The following ZNF337 variants were observed in gnomAD, a reference collection of about 807,000 sequenced individuals.
ZNF337 encodes zinc finger protein 337.
Under a neutral mutation model 12.1 loss-of-function variants are expected in ZNF337, and 8 were observed. That is an observed-to-expected ratio of 0.66 (90% confidence interval 0.39 to 1.19). ZNF337 has a LOEUF of 1.19. ZNF337 is among the 50% of genes most tolerant of loss of function. The pLI, the probability that ZNF337 is intolerant of heterozygous loss-of-function variation, is 0.01. For synonymous variants in ZNF337, 336 were observed against 320.0 expected (o/e 1.05, Z -0.53); for missense variants, 882 against 896.6 (o/e 0.98, Z 0.21).
At chr20:25,687,362 C>T (rs1446181290) in intron 1 of ZNF337, among the ~76,000 whole-genome samples, 6 of 151,980 alleles carry the variant, frequency 3.9e-5, no homozygotes, top group Admixed American at 2.6e-4. Flanking sequence ...AGGAAAAGAA[C>T]TGTAAATTAA....
chr20:25,676,175 TGA>T lies in ZNF337; in HGVS notation c.1111_1112del (p.Ser371ArgfsTer11), dbSNP rs772390758. 1 of 1,613,996 alleles carries T rather than the reference TGA, an allele frequency of 6.2e-7. No homozygotes were observed. The highest frequency in any genetic ancestry group is 1.1e-5 in the South Asian group (1 of 91,066). On this transcript the variant is annotated frameshift_variant, in exon 5 of 5. Coordinates refer to ENST00000252979, the MANE Select transcript of ZNF337 (RefSeq NM_015655.4). LOFTEE classifies it low-confidence loss of function (END_TRUNC). ...SHLITHQRTH[S>X]GEKPFACRQC... is the part of the protein sequence containing the mutation. ...GCCTGCACGCAAAGGGCTTCTCCCCTGAGTGTGTCCTCTGGTGTGTGATAAGG... is the reference window on the plus strand; with the variant it reads ...GCCTGCACGCAAAGGGCTTCTCCCCTGTGTGTCCTCTGGTGTGTGATAAGG...
intron 1 of ZNF337, among the ~76,000 whole-genome samples, chr20:25,696,118 A>T (rs572830359): frequency 9.9e-4 from 105 of 105,788 alleles, no homozygotes; most frequent in Non-Finnish European, 1.5e-3. Flanking sequence ...ACACGTCTAG[A>T]CGTGCCCGTG....
Position 25,676,429 on chromosome 20 carries a change from T to G in ZNF337, c.859A>C (p.Thr287Pro). The change falls in exon 5 of 5, where the codon ACA becomes CCA. Residue 287 changes from threonine (T) to proline (P), a missense_variant. Transcript: ENST00000252979. ...TGGCATTCATAAGGCTTCTCTCCTGTGTGTGTTCTCTCATGCACAGTGAGG... is the reference window on the plus strand; with the variant it reads ...TGGCATTCATAAGGCTTCTCTCCTGGGTGTGTTCTCTCATGCACAGTGAGG... The part of the protein sequence containing the change: ...SYLTVHERTH[T>P]GEKPYECQEC... The G allele has an allele frequency of 1.2e-6, 2 of 1,613,826 alleles. No homozygotes were observed. Among genetic ancestry groups the G allele is most frequent in the Non-Finnish European group, 1.7e-6 (2 of 1,179,956 alleles).
intron 1 of ZNF337, among the ~76,000 whole-genome samples, chr20:25,689,140 A>G (rs1160695154): frequency 1.3e-5 from 2 of 150,260 alleles, no homozygotes; most frequent in African/African-American, 4.9e-5. Flanking sequence ...GTCACAAAAA[A>G]AAAAAAAAAA....
At chr20:25,677,727 T>A (rs2065720852) in intron 4 of ZNF337, 1 of 152,098 alleles carries the variant, frequency 6.6e-6, no homozygotes, top group Non-Finnish European at 1.5e-5. Context: ...AATTTTTATA[T>A]TTTTTGTAGA....
Position 25,696,597 on chromosome 20 carries a change from C to T in ZNF337, c.-50+162G>A, listed in dbSNP as rs567281058. Among the ~76,000 whole-genome samples the T allele has an allele frequency of 8.4e-4, 128 of 152,348 alleles. No homozygotes were observed. In the Middle Eastern group the frequency reaches 0.01, roughly 12 times the overall value. On this transcript the variant is annotated intron_variant, in intron 1 of 4. Coordinates refer to ENST00000252979, the MANE Select transcript of ZNF337 (RefSeq NM_015655.4). ...CGCAGCCCCACCGCCCACTTCAAGG[C>T]GCGGCCTGGGTCTCCGCCCCTCCCC...
chr20:25,676,371 G>A lies in ZNF337; in HGVS notation c.917C>T (p.Ser306Leu), dbSNP rs1200736297. ...ATGCGCCTTCAAGTGCTTGTTGTAT[G>A]AGGACTTATCGTTAAACCTTCGCCC... ...ECGRRFNDKS[S>L]YNKHLKAHSG... Residue 306 changes from serine to leucine, a missense_variant, in exon 5 of 5, where the codon TCA becomes TTA. Ser to Leu is a moderately radical substitution (Grantham distance 145, BLOSUM62 -2). Transcript: ENST00000252979. The A allele has an allele frequency of 6.2e-7, 1 of 1,613,720 alleles. No individual in the cohort carries two copies. Among genetic ancestry groups the A allele is most frequent in the Non-Finnish European group, 8.5e-7 (1 of 1,179,958 alleles).
At chr20:25,685,277 T>C (rs1030058443) in intron 4 of ZNF337, among the ~76,000 whole-genome samples, 1 of 151,938 alleles carries the variant, frequency 6.6e-6, no homozygotes, top group Admixed American at 6.6e-5. Flanking sequence ...GAAGGGGCAA[T>C]AGACTTAGGC....
In ZNF337 at chr20:25,676,929, C is replaced by T. The variant is rs776312025; in HGVS notation, c.359G>A (p.Gly120Asp). 1 of 1,614,142 alleles carries T rather than the reference C, an allele frequency of 6.2e-7. No homozygotes were observed. Among genetic ancestry groups the T allele is most frequent in the Non-Finnish European group, 8.5e-7 (1 of 1,180,030 alleles). Residue 120 changes from glycine (G) to aspartate (D), a missense_variant, in exon 5 of 5, where the codon GGT becomes GAT. Coordinates refer to ENST00000252979, the MANE Select transcript of ZNF337 (RefSeq NM_015655.4). ...DQSFQSDTAE[G>D]QEKEKSTKPM... ...CTTAGTGCTTTTTTCTTTCTCTTGA[C>T]CTTCAGCTGTGTCACTCTGGAAGCT...
At position 25,676,586 on chromosome 20, in the gene ZNF337, CTT is replaced by C; in HGVS notation, c.700_701del (p.Lys234ValfsTer42). The C allele has an allele frequency of 6.2e-7, 1 of 1,614,172 alleles. No homozygotes were observed. Among genetic ancestry groups the C allele is most frequent in the Non-Finnish European group, 8.5e-7 (1 of 1,180,002 alleles). On this transcript the variant is annotated frameshift_variant, in exon 5 of 5. Transcript: ENST00000252979. LOFTEE classifies it low-confidence loss of function (END_TRUNC). ...GCCCACACACACTGCACACATAGGA[CTT>C]CTCTCCTGTGTGTGTGTTCTGGTGC... is the stretch of plus-strand genomic sequence containing the variant. ...LLHQNTHTGE[K>X]SYVCSVCGRG...
At chr20:25,677,295 T>G (rs888666731) in intron 4 of ZNF337, 2 of 372,056 alleles carry the variant, frequency 5.4e-6, no homozygotes, top group African/African-American at 4.2e-5. Context: ...CAGGCCAATA[T>G]CCCTGATGAT....
At chr20:25,689,947 C>T (rs2065870845) in intron 1 of ZNF337, among the ~76,000 whole-genome samples, 1 of 152,140 alleles carries the variant, frequency 6.6e-6, no homozygotes, top group Non-Finnish European at 1.5e-5. Flanking sequence ...CAAAAGTCCC[C>T]AGCATTCAAG....
intron 4 of ZNF337, among the ~76,000 whole-genome samples, chr20:25,684,079 C>A (rs2065798521): frequency 6.6e-6 from 1 of 151,696 alleles, no homozygotes; most frequent in African/African-American, 2.4e-5. Flanking sequence ...TGGAAACCAT[C>A]ATTCTCAGCA....
In ZNF337 at chr20:25,676,610, G is replaced by A. The variant is rs762535965; in HGVS notation, c.678C>T (p.His226=). 4 of 1,614,080 alleles carry A rather than the reference G, an allele frequency of 2.5e-6. No homozygotes were observed. The highest frequency in any genetic ancestry group is 1.7e-4 in the Middle Eastern group (1 of 6,060). ...GFRDESALLL[H]QNTHTGEKSY... is the part of the protein sequence containing the mutation. Reference sequence around the variant, plus strand: ...ACTTCTCTCCTGTGTGTGTGTTCTGGTGCAAGAGCAATGCTGACTCATCTC... The same window carrying A: ...ACTTCTCTCCTGTGTGTGTGTTCTGATGCAAGAGCAATGCTGACTCATCTC... The change falls in exon 5 of 5, where the codon CAC becomes CAT. Residue 226 remains histidine (H), a synonymous_variant. Coordinates refer to ENST00000252979, the MANE Select transcript of ZNF337 (RefSeq NM_015655.4).
At chr20:25,691,536 G>A (rs2065882106) in intron 1 of ZNF337, among the ~76,000 whole-genome samples, 3 of 152,188 alleles carry the variant, frequency 2.0e-5, no homozygotes, top group Admixed American at 1.3e-4. Context: ...CTGGCAGGGG[G>A]AGAGAAGTTA....
At chr20:25,684,091 A>T (rs1460295325) in intron 4 of ZNF337, among the ~76,000 whole-genome samples, 1 of 151,562 alleles carries the variant, frequency 6.6e-6, no homozygotes, top group East Asian at 1.9e-4. Flanking sequence ...TTCTCAGCAA[A>T]CTATCTCAAG....
intron 1 of ZNF337, among the ~76,000 whole-genome samples, chr20:25,687,319 C>T (rs73907612): frequency 0.03 from 4,522 of 151,674 alleles, 219 homozygotes; most frequent in African/African-American, 0.1. Flanking sequence ...TTATTTTCTC[C>T]GAATTTTTTG....
rs2065651834 is a variant in ZNF337 at position 25,674,511 on chromosome 20, C to G, written c.*521G>C. On this transcript the variant is annotated 3_prime_UTR_variant, in exon 5 of 5. Transcript: ENST00000252979. ...AAGGTCCCACCTCCTAATACTTACA[C>G]TGTTTCAACAGTAAACAGTTTATGT... The G allele has an allele frequency of 6.4e-6, 1 of 155,858 alleles. No individual in the cohort carries two copies. The highest frequency in any genetic ancestry group is 2.4e-5 in the African/African-American group (1 of 41,468). The allele number at this position is 155,858 out of a possible 1,614,324, so 9.7% of individuals were successfully genotyped here.
Position 25,675,174 on chromosome 20 carries a change from C to G in ZNF337, c.2114G>C (p.Arg705Thr), listed in dbSNP as rs1254010243. The change falls in exon 5 of 5, where the codon AGA becomes ACA. Residue 705 changes from arginine to threonine, a missense_variant. Arg to Thr is a moderately conservative substitution (Grantham distance 71). Transcript: ENST00000252979. ...ATAAGGCCTCTCTCCTGTGTGTATT[C>G]TTTCATGCACAGTGAGGTCTGACTT... ...TSKSDLTVHE[R>T]IHTGERPYEC... 1.9e-6 allele frequency: 3 copies of G among 1,614,134 alleles called. No homozygotes were observed. The highest frequency in any genetic ancestry group is 2.7e-5 in the African/African-American group (2 of 74,936).
Sources: allele counts gnomAD v4.1 joint callset (sites outside exome capture counted in the v4.1 genomes callset), GRCh38; gene constraint gnomAD v4.1.1; transcripts MANE v1.5; gene names NCBI Gene and HGNC (gene_info 2026-07-23, HGNC 2026-07-21).